The following C6orf141 variants were observed in gnomAD, a reference collection of about 807,000 sequenced individuals.
The protein encoded by C6orf141 is chromosome 6 open reading frame 141, also known as uncharacterized protein C6orf141.
For synonymous variants in C6orf141, 164 were observed against 140.5 expected (o/e 1.17, Z -1.18); for missense variants, 361 against 335.8 (o/e 1.07, Z -0.59).
chr6:49,555,991 G>A (rs1338834013), downstream of C6orf141, among the ~76,000 whole-genome samples: 1 of 152,184 alleles, frequency 6.6e-6, no homozygotes, highest in Non-Finnish European at 1.5e-5. Flanking sequence ...ATATAAAGTA[G>A]TATTAATGTA....
At position 49,551,440 on chromosome 6, in the gene C6orf141, G is replaced by A. The variant is rs1770536007; in HGVS notation, c.648G>A (p.Gln216=). ...GCCCTGCTGAATCCCGGGCTCTCCA[G>A]GCACGAACAGGGGCATCCCGCGTCC... ...RWGPAESRAL[Q]ARTGASRVHA... is the part of the protein sequence containing the mutation. Residue 216 remains glutamine (Q), a synonymous_variant, in exon 1 of 1, where the codon CAG becomes CAA. Transcript: ENST00000529246. 1.9e-6 allele frequency: 3 copies of A among 1,551,588 alleles called. No homozygotes were observed. Among genetic ancestry groups the A allele is most frequent in the Non-Finnish European group, 2.6e-6 (3 of 1,146,986 alleles).
intron 4 of C6orf141, among the ~76,000 whole-genome samples, chr6:49,558,876 T>G (rs1772646010): frequency 6.6e-6 from 1 of 151,466 alleles, no homozygotes; most frequent in South Asian, 2.1e-4. Context: ...CCTGGCTAAT[T>G]TTTTGTATTT....
chr6:49,550,920 C>G lies in C6orf141; in HGVS notation c.128C>G (p.Ala43Gly). 1 of 1,542,706 alleles carries G rather than the reference C, an allele frequency of 6.5e-7. No homozygotes were observed. The highest frequency in any genetic ancestry group is 1.2e-5 in the South Asian group (1 of 83,376). Residue 43 changes from alanine (A) to glycine (G), a missense_variant, in exon 1 of 1, where the codon GCT (alanine) becomes GGT (glycine). Transcript: ENST00000529246. Reference protein sequence around the residue: ...PREVGRGAPLAPGARNPATAG... With the variant: ...PREVGRGAPLGPGARNPATAG... ...GAGGTAGGGCGCGGGGCTCCGCTAG[C>G]TCCGGGCGCCCGGAATCCCGCGACG...
At chr6:49,557,666 A>G (rs1425083879) in intron 4 of C6orf141, among the ~76,000 whole-genome samples, 2 of 152,252 alleles carry the variant, frequency 1.3e-5, no homozygotes, top group Admixed American at 1.3e-4. Flanking sequence ...ACAAACAAAC[A>G]AACAAAACTC....
intron 4 of C6orf141, among the ~76,000 whole-genome samples, chr6:49,559,142 C>T (rs1329753922): frequency 8.6e-6 from 1 of 116,558 alleles, no homozygotes; most frequent in African/African-American, 3.3e-5. Flanking sequence ...TCATATTTTA[C>T]CATATATGAT....
chr6:49,557,007 A>C (rs1430683095), downstream of C6orf141, among the ~76,000 whole-genome samples: 2 of 152,186 alleles, frequency 1.3e-5, no homozygotes, highest in Non-Finnish European at 2.9e-5. Context: ...TAATCCCAGC[A>C]CTTTGGGAGG....
Position 49,550,986 on chromosome 6 carries a change from G to A in C6orf141, c.194G>A (p.Arg65Lys), listed in dbSNP as rs1240866349. The A allele has an allele frequency of 1.3e-6, 2 of 1,551,122 alleles. No homozygotes were observed. The highest frequency in any genetic ancestry group is 2.7e-5 in the African/African-American group (2 of 73,046). ...SRSQGGGHEDRTADRALGPRA... is the reference protein window; with the variant it reads ...SRSQGGGHEDKTADRALGPRA... The stretch of plus-strand genomic sequence containing the variant: ...AGCCAGGGCGGCGGCCACGAGGACA[G>A]AACGGCAGATCGGGCCCTCGGACCT... The change falls in exon 1 of 1, where the codon AGA (arginine) becomes AAA (lysine). Residue 65 changes from arginine to lysine, a missense_variant. Physicochemically the swap from Arg to Lys is conservative, Grantham distance 26. Coordinates refer to ENST00000529246, the MANE Select transcript of C6orf141 (RefSeq NM_001145652.2).
At chr6:49,558,928 C>T (rs903983980) in intron 4 of C6orf141, among the ~76,000 whole-genome samples, 5 of 151,306 alleles carry the variant, frequency 3.3e-5, no homozygotes, top group Non-Finnish European at 4.4e-5. Flanking sequence ...AGGATGGTCT[C>T]GATCTCCTGA....
rs956999104 is a variant in C6orf141, at chr6:49,551,396, C to A, written c.604C>A (p.Gln202Lys). Residue 202 changes from glutamine (Q) to lysine (K), a missense_variant, in exon 1 of 1, where the codon CAG becomes AAG. Gln to Lys is a moderately conservative substitution (Grantham distance 53). Coordinates refer to ENST00000529246, the MANE Select transcript of C6orf141 (RefSeq NM_001145652.2). ...ALTFRSSREG[Q>K]PGERWGPAES... ...CACTTTTCGCAGCAGTAGAGAGGGACAGCCTGGGGAACGCTGGGGCCCTGC... is the reference window on the plus strand; with the variant it reads ...CACTTTTCGCAGCAGTAGAGAGGGAAAGCCTGGGGAACGCTGGGGCCCTGC... 57 of 1,551,580 alleles carry A rather than the reference C, an allele frequency of 3.7e-5. No individual in the cohort carries two copies. Among genetic ancestry groups the A allele is most frequent in the Non-Finnish European group, 4.5e-5 (52 of 1,147,006 alleles).
intron 4 of C6orf141, among the ~76,000 whole-genome samples, chr6:49,559,165 CATATATATATATATATATATATATATAT>C (rs66650945): frequency 0.012 from 442 of 37,348 alleles, 19 homozygotes; most frequent in East Asian, 0.03. Flanking sequence ...GGTCATTGTC[CATATATATATATATATATATATATATAT>C]ATATATATAT....
downstream of C6orf141, among the ~76,000 whole-genome samples, chr6:49,555,513 C>CTTT (rs55766532): frequency 1.3e-4 from 17 of 132,598 alleles, 4 homozygotes; most frequent in Non-Finnish European, 9.4e-5. Context: ...CCAGGCTAGT[C>CTTT]TTTTTTTTTT....
chr6:49,561,219 TA>T (rs1335824600), intron 4 of C6orf141, among the ~76,000 whole-genome samples: 4 of 152,082 alleles, frequency 2.6e-5, no homozygotes, highest in Admixed American at 2.0e-4. Context: ...TGCCTCAGCC[TA>T]CCAGGTAGCT....
Position 49,551,131 on chromosome 6 carries a change from A to G in C6orf141, c.339A>G (p.Ala113=), listed in dbSNP as rs1770388380. 1.3e-6 allele frequency: 2 copies of G among 1,551,730 alleles called. No individual in the cohort carries two copies. Among genetic ancestry groups the G allele is most frequent in the South Asian group, 1.2e-5 (1 of 84,062 alleles). The change falls in exon 1 of 1, where the codon GCA becomes GCG. Residue 113 remains alanine (A), a synonymous_variant. Transcript: ENST00000529246. ...GDPAREEVAG[A]EDLPHAGGED... The stretch of plus-strand genomic sequence containing the variant: ...CTGCACGGGAAGAGGTGGCCGGTGC[A>G]GAGGACCTTCCTCATGCGGGTGGAG...
chr6:49,560,252 T>A (rs1773032962), intron 4 of C6orf141, among the ~76,000 whole-genome samples: 1 of 151,660 alleles, frequency 6.6e-6, no homozygotes, highest in African/African-American at 2.4e-5. Flanking sequence ...GAGGCAGAGG[T>A]TGCAGTGAGC....
In C6orf141 at chr6:49,550,730, TG is replaced by T; in HGVS notation, c.-61del. The T allele has an allele frequency of 7.3e-7, 1 of 1,367,920 alleles. No homozygotes were observed. Among genetic ancestry groups the T allele is most frequent in the Non-Finnish European group, 9.7e-7 (1 of 1,035,916 alleles). The allele number at this position is 1,367,920 out of a possible 1,614,324, so 84.7% of individuals were successfully genotyped here. A position where few individuals can be genotyped will look rare whatever the true frequency, so the allele number is the denominator to read the frequency against. ...AGCAGAGGCCACACCCAGGGCTTGG[TG>T]GTCCCGCGCTTTCCGGAGCTCAGCA... On this transcript the variant is annotated 5_prime_UTR_variant, in exon 1 of 1. Coordinates refer to ENST00000529246, the MANE Select transcript of C6orf141 (RefSeq NM_001145652.2).
At chr6:49,560,091 A>G (rs1055401415) in intron 4 of C6orf141, among the ~76,000 whole-genome samples, 4 of 152,240 alleles carry the variant, frequency 2.6e-5, no homozygotes, top group Middle Eastern at 3.4e-3. Context: ...AGGTGGGTGG[A>G]TCACCTGAGG....
At chr6:49,553,597 A>G (rs945100830), downstream of C6orf141, among the ~76,000 whole-genome samples, 14 of 152,310 alleles carry the variant, frequency 9.2e-5, no homozygotes, top group African/African-American at 3.1e-4. Context: ...ACAATAACCA[A>G]AAATGGTAAG....
In C6orf141 at chr6:49,551,366, G is replaced by A. The variant is rs1452277046; in HGVS notation, c.574G>A (p.Ala192Thr). 1 of 1,551,562 alleles carries A rather than the reference G, an allele frequency of 6.4e-7. No individual in the cohort carries two copies. Among genetic ancestry groups the A allele is most frequent in the Non-Finnish European group, 8.7e-7 (1 of 1,146,986 alleles). The change falls in exon 1 of 1, where the codon GCG becomes ACG. Residue 192 changes from alanine (A) to threonine (T), a missense_variant. Physicochemically the swap from Ala to Thr is moderately conservative, Grantham distance 58 (BLOSUM62 0). Coordinates refer to ENST00000529246, the MANE Select transcript of C6orf141 (RefSeq NM_001145652.2). ...TTRTEEHFVT[A>T]LTFRSSREGQ... Reference sequence around the variant, plus strand: ...GAGGACTGAGGAGCACTTCGTGACCGCGCTCACTTTTCGCAGCAGTAGAGA... The same window carrying A: ...GAGGACTGAGGAGCACTTCGTGACCACGCTCACTTTTCGCAGCAGTAGAGA...
At position 49,561,777 on chromosome 6, in the gene C6orf141, T is replaced by A. The variant is rs960789410; in HGVS notation, c.*837T>A. 1.1e-4 allele frequency: 16 copies of A among 152,004 alleles called. 1 individual carries two copies. The allele number at this position is 152,004 out of a possible 1,614,324, so 9.4% of individuals were successfully genotyped here. ...GTAACTCACTGCAGCCTGAAACTCC[T>A]TGGCTTAAGTGATCCTCCCACCTCA... is the stretch of plus-strand genomic sequence containing the variant. On this transcript the variant is annotated 3_prime_UTR_variant and NMD_transcript_variant, in exon 5 of 5. Coordinates refer to the C6orf141 transcript ENST00000371194.
Sources: gnomAD v4.1 joint callset for allele counts (sites outside exome capture counted in the v4.1 genomes callset) on GRCh38, gnomAD v4.1.1 for gene constraint, MANE v1.5 for transcripts, NCBI Gene and HGNC (gene_info 2026-07-23, HGNC 2026-07-21) for gene names.